PPEF1: variants seen among roughly 807,000 people sequenced by gnomAD.
PPEF1 encodes serine/threonine-protein phosphatase with EF-hands 1.
PPEF1 carries 12 observed loss-of-function variants against 53.3 expected under a neutral mutation model. The observed-to-expected ratio is 0.23, with a 90% confidence interval of 0.14 to 0.36. The LOEUF (loss-of-function observed/expected upper bound fraction) is 0.36. PPEF1 is among the 10% of genes least tolerant of loss of function. The pLI is 1.00. For synonymous variants in PPEF1, 165 were observed against 176.7 expected, an observed-to-expected ratio of 0.93 and a Z score of 0.52; for missense variants, 334 against 490.4, an observed-to-expected ratio of 0.68 and a Z score of 3.01.
chrX:18,782,462 T>A, intron 8 of PPEF1, 60 bp downstream of exon 8: 1 of 944,822 alleles, frequency 1.1e-6, no homozygotes, highest in Non-Finnish European at 1.5e-6. Context: ...TAGAGAAATT[T>A]AAAAAGAGCC....
chrX:18,810,332 C>T (rs1414007078), intron 12 of PPEF1, among the ~76,000 whole-genome samples: 1 of 105,311 alleles, frequency 9.5e-6, no homozygotes, highest in Admixed American at 1.0e-4. Flanking sequence ...CCTCTCTCTG[C>T]GCACACACAC....
At chrX:18,728,980 C>T (rs2044772454) in intron 1 of PPEF1, among the ~76,000 whole-genome samples, 1 of 112,282 alleles carries the variant, frequency 8.9e-6, no homozygotes, top group Non-Finnish European at 1.9e-5. Flanking sequence ...TTTTAAATCT[C>T]ATTACCTCTT....
chrX:18,795,453 A>G (rs2046414476), intron 10 of PPEF1, among the ~76,000 whole-genome samples: 1 of 112,379 alleles, frequency 8.9e-6, no homozygotes, highest in Non-Finnish European at 1.9e-5. Context: ...AAAGGCAATA[A>G]GCCATGTACT....
intron 6 of PPEF1, among the ~76,000 whole-genome samples, chrX:18,762,834 T>C (rs1163576159): frequency 9.0e-6 from 1 of 111,591 alleles, no homozygotes; most frequent in Non-Finnish European, 1.9e-5. Flanking sequence ...GGTGCAAAAG[T>C]AATTGCGGTT....
intron 5 of PPEF1, among the ~76,000 whole-genome samples, chrX:18,758,736 T>C (rs752693330): frequency 9.0e-6 from 1 of 111,188 alleles, no homozygotes; most frequent in Non-Finnish European, 1.9e-5. Flanking sequence ...CAGAAAGCCA[T>C]GCCACCCTGT....
chrX:18,684,034 C>T (rs1928974476), intron 1 of PPEF1, among the ~76,000 whole-genome samples: 1 of 112,131 alleles, frequency 8.9e-6, no homozygotes, highest in Non-Finnish European at 1.9e-5. Flanking sequence ...ATAGCTCACC[C>T]GTAGCTCTCT....
At chrX:18,697,172 C>G (rs939746722) in intron 4 of PPEF1, among the ~76,000 whole-genome samples, 9 of 111,546 alleles carry the variant, frequency 8.1e-5, no homozygotes, top group African/African-American at 2.9e-4. Flanking sequence ...GGTTGGGATC[C>G]CTCAGAAGCA....
intron 6 of PPEF1, among the ~76,000 whole-genome samples, chrX:18,767,143 G>A (rs2045791651): frequency 8.9e-6 from 1 of 112,654 alleles, no homozygotes; most frequent in East Asian, 2.8e-4. Flanking sequence ...ATCTGGAGCT[G>A]TGGAGTGTAG....
At chrX:18,745,079 T>A (rs2045291334) in intron 3 of PPEF1, among the ~76,000 whole-genome samples, 1 of 97,138 alleles carries the variant, frequency 1.0e-5, no homozygotes, top group Non-Finnish European at 2.0e-5. Context: ...TAATTATATA[T>A]TTATATGGAA....
intron 2 of PPEF1, among the ~76,000 whole-genome samples, chrX:18,684,859 T>G (rs1320863469): frequency 9.0e-6 from 1 of 111,637 alleles, no homozygotes; most frequent in Non-Finnish European, 1.9e-5. Context: ...ACTCCTGACA[T>G]CAGGTGATCT....
chrX:18,716,398 G>A (rs1342114609), intron 1 of PPEF1, among the ~76,000 whole-genome samples: 1 of 108,711 alleles, frequency 9.2e-6, no homozygotes, highest in Non-Finnish European at 1.9e-5. Flanking sequence ...AGGGCGTGGT[G>A]GCGGGCGCCT....
At chrX:18,763,122 T>C (rs911698736) in intron 6 of PPEF1, among the ~76,000 whole-genome samples, 4 of 111,898 alleles carry the variant, frequency 3.6e-5, no homozygotes, top group Non-Finnish European at 7.5e-5. Context: ...TCTTTTCATC[T>C]ATAACTAAGG....
At chrX:18,767,038 G>A in intron 6 of PPEF1, among the ~76,000 whole-genome samples, 1 of 110,857 alleles carries the variant, frequency 9.0e-6, no homozygotes, top group Non-Finnish European at 1.9e-5. Flanking sequence ...GGCGACAAGA[G>A]CAAAACTCTG....
At chrX:18,805,336 G>A (rs964120101) in intron 11 of PPEF1, among the ~76,000 whole-genome samples, 1 of 111,892 alleles carries the variant, frequency 8.9e-6, no homozygotes, top group African/African-American at 3.2e-5. Context: ...TGGACACCAA[G>A]TTGTGTGGCA....
chrX:18,700,369 G>C (rs1025746044), exon 6 of PPEF1: 3 of 104,726 alleles, frequency 2.9e-5, no homozygotes, highest in Non-Finnish European at 5.8e-5. Flanking sequence ...TTTTTTTCTC[G>C]TCTTCATTTC....
Position 18,825,026 on chromosome X carries a change from G to C in PPEF1, c.1666-725G>C, listed in dbSNP as rs59486955. On this transcript the variant is annotated intron_variant, in intron 14 of 15. Coordinates refer to ENST00000470157, the MANE Select transcript of PPEF1 (RefSeq NM_001377996.1). ...ACTTAATGTATTGCTTGTTAAGCCT[G>C]AGTGTACAGACTTGCTGACATGACC... 3.6e-5 allele frequency among the ~76,000 whole-genome samples: 4 copies of C among 111,509 alleles called. No individual in the cohort carries two copies. The Admixed American group carries it at 3.8e-4, about 11-fold the overall frequency.
intron 1 of PPEF1, among the ~76,000 whole-genome samples, chrX:18,676,890 CTG>C (rs1482068745): frequency 1.8e-5 from 2 of 111,493 alleles, no homozygotes; most frequent in African/African-American, 3.3e-5. Flanking sequence ...TGCTTAACCT[CTG>C]TGCAGAAAAG....
At chrX:18,712,449 G>A (rs2044350915) in intron 1 of PPEF1, among the ~76,000 whole-genome samples, 5 of 111,089 alleles carry the variant, frequency 4.5e-5, no homozygotes, top group Admixed American at 3.8e-4. Context: ...TTCATTTTTG[G>A]ATTGTTTATT....
chrX:18,786,034 A>T (rs924436545), intron 9 of PPEF1, among the ~76,000 whole-genome samples: 5 of 112,504 alleles, frequency 4.4e-5, no homozygotes, highest in African/African-American at 1.3e-4. Flanking sequence ...GATTCTAACC[A>T]AGAGCACAAG....
Sources: gnomAD v4.1 joint callset for allele counts (sites outside exome capture counted in the v4.1 genomes callset) on GRCh38, gnomAD v4.1.1 for gene constraint, MANE v1.5 for transcripts, NCBI Gene and HGNC (gene_info 2026-07-23, HGNC 2026-07-21) for gene names.